The following AHCYL2 variants were observed in gnomAD, a reference collection of about 807,000 sequenced individuals.
AHCYL2 encodes S-adenosylhomocysteine hydrolase-like protein 2.
In AHCYL2, 28 loss-of-function variants were observed where a neutral mutation model predicts 81.4. The observed-to-expected ratio is 0.34, with a 90% CI of 0.25 to 0.47. The LOEUF (loss-of-function observed/expected upper bound fraction) is 0.47. Among genes scored for constraint, AHCYL2 ranks in the 20% least tolerant of loss-of-function variants. AHCYL2 has a pLI of 1.00. For synonymous variants in AHCYL2, 272 were observed against 290.2 expected, an observed-to-expected ratio of 0.94 and a Z score of 0.64; for missense variants, 551 against 785.1, an observed-to-expected ratio of 0.70 and a Z score of 3.56.
intron 1 of AHCYL2, among the ~76,000 whole-genome samples, chr7:129,335,374 A>T (rs1005429448): frequency 2.2e-5 from 3 of 137,368 alleles, no homozygotes; most frequent in Admixed American, 7.2e-5. Context: ...GACCCTGTCT[A>T]AAAAAAAAAA....
chr7:129,328,830 T>G (rs13226919), intron 1 of AHCYL2, among the ~76,000 whole-genome samples: 3,756 of 152,300 alleles, frequency 0.025, 77 homozygotes, highest in Admixed American at 0.058. Flanking sequence ...AACATTTTTC[T>G]TCTATTTTAT....
chr7:129,317,538 C>G (rs2718099), intron 1 of AHCYL2, among the ~76,000 whole-genome samples: 14,823 of 152,220 alleles, frequency 0.097, 1,506 homozygotes, highest in African/African-American at 0.26. Context: ...AAAATCCCAG[C>G]CATGCAGATG....
intron 1 of AHCYL2, among the ~76,000 whole-genome samples, chr7:129,301,182 C>T (rs1050966566): frequency 6.6e-6 from 1 of 152,112 alleles, no homozygotes; most frequent in South Asian, 2.1e-4. Context: ...CTATTCAGAT[C>T]TTTTGCCCAT....
intron 1 of AHCYL2, among the ~76,000 whole-genome samples, chr7:129,325,321 C>T (rs934805942): frequency 3.3e-5 from 5 of 152,088 alleles, no homozygotes; most frequent in African/African-American, 7.2e-5. Flanking sequence ...AGGGTTTTTT[C>T]GTTTCGGTTT....
At position 129,322,220 on chromosome 7, in the gene AHCYL2, A is replaced by G. The variant is rs186248581; in HGVS notation, c.364-57418A>G. On this transcript the variant is annotated intron_variant, in intron 1 of 16. Coordinates refer to ENST00000325006, the MANE Select transcript of AHCYL2 (RefSeq NM_015328.4). The stretch of plus-strand genomic sequence containing the variant: ...AGTGGCGTGATCTTGGCTCACTGCA[A>G]CCTCTTCCTCCTGGGTTCAAGCGAT... Among the ~76,000 whole-genome samples, 15 of 151,694 alleles carry G rather than the reference A, an allele frequency of 9.9e-5. No homozygotes were observed. In the East Asian group the frequency reaches 2.9e-3, roughly 30 times the overall value.
intron 1 of AHCYL2, chr7:129,377,552 C>T: frequency 2.2e-6 from 1 of 456,638 alleles, no homozygotes; most frequent in Non-Finnish European, 4.4e-6. Context: ...GAAGTGGAGC[C>T]GTCAGTTCCT....
intron 4 of AHCYL2, among the ~76,000 whole-genome samples, chr7:129,392,503 A>G (rs970872597): frequency 7.2e-5 from 11 of 152,176 alleles, no homozygotes; most frequent in African/African-American, 2.7e-4. Context: ...TCTCATGTCT[A>G]ATCACCTTCC....
At chr7:129,377,600 G>T (rs1429282600) in intron 1 of AHCYL2, 1 of 456,458 alleles carries the variant, frequency 2.2e-6, no homozygotes, top group African/African-American at 2.0e-5. Context: ...TGCCCATCAA[G>T]GAACCATCTT....
intron 11 of AHCYL2, among the ~76,000 whole-genome samples, chr7:129,410,665 G>A (rs1295405155): frequency 6.6e-6 from 1 of 152,224 alleles, no homozygotes; most frequent in Admixed American, 6.5e-5. Context: ...TTCATAGTTA[G>A]AGAAAGTAGA....
intron 1 of AHCYL2, among the ~76,000 whole-genome samples, chr7:129,226,655 C>T (rs1414993142): frequency 3.3e-5 from 5 of 152,140 alleles, no homozygotes; most frequent in Non-Finnish European, 7.3e-5. Context: ...GCGGATAATC[C>T]TTTCATCCTA....
At chr7:129,416,765 A>G (rs1373654368) in intron 12 of AHCYL2, among the ~76,000 whole-genome samples, 5 of 152,044 alleles carry the variant, frequency 3.3e-5, no homozygotes, top group Non-Finnish European at 7.4e-5. Flanking sequence ...GCACCATTGC[A>G]CTCCAGCCTG....
At chr7:129,375,993 T>G in intron 1 of AHCYL2, 2 of 1,524,072 alleles carry the variant, frequency 1.3e-6, no homozygotes, top group Non-Finnish European at 1.8e-6. Context: ...GGCCGACTGC[T>G]TATACTCTTT....
chr7:129,293,267 A>G (rs1184908905), intron 1 of AHCYL2, among the ~76,000 whole-genome samples: 2 of 152,204 alleles, frequency 1.3e-5, no homozygotes, highest in African/African-American at 4.8e-5. Context: ...TATTGTAATA[A>G]GTTATAGTTG....
At chr7:129,318,976 C>T (rs1473694926) in intron 1 of AHCYL2, among the ~76,000 whole-genome samples, 4 of 151,054 alleles carry the variant, frequency 2.6e-5, no homozygotes, top group Non-Finnish European at 5.9e-5. Context: ...CTACTATAAG[C>T]AAAGTTAAAA....
intron 1 of AHCYL2, among the ~76,000 whole-genome samples, chr7:129,374,906 C>A (rs1794602758): frequency 6.6e-6 from 1 of 150,410 alleles, no homozygotes; most frequent in South Asian, 2.1e-4. Context: ...ACATCACTTT[C>A]CCCCCAATCT....
intron 1 of AHCYL2, among the ~76,000 whole-genome samples, chr7:129,306,144 G>T (rs1008500550): frequency 6.6e-6 from 1 of 152,140 alleles, no homozygotes; most frequent in African/African-American, 2.4e-5. Flanking sequence ...CTCTAGGCTT[G>T]GGAAGTTCTC....
chr7:129,243,815 G>A (rs539970479), intron 1 of AHCYL2, among the ~76,000 whole-genome samples: 93 of 151,960 alleles, frequency 6.1e-4, no homozygotes, highest in Non-Finnish European at 1.1e-3. Context: ...GGATGGTCTC[G>A]ATCTCCTGGC....
At chr7:129,298,622 C>T (rs2150758811) in intron 1 of AHCYL2, among the ~76,000 whole-genome samples, 1 of 152,278 alleles carries the variant, frequency 6.6e-6, no homozygotes, top group East Asian at 1.9e-4. Flanking sequence ...TTTTCCTAAA[C>T]TTTGCTTGGG....
At chr7:129,404,552 A>G (rs910507845) in intron 7 of AHCYL2, among the ~76,000 whole-genome samples, 1 of 152,130 alleles carries the variant, frequency 6.6e-6, no homozygotes, top group African/African-American at 2.4e-5. Flanking sequence ...GCGGGCGCCT[A>G]TAATCCCAGC....
Sources: gnomAD v4.1 joint callset for allele counts (sites outside exome capture counted in the v4.1 genomes callset) on GRCh38, gnomAD v4.1.1 for gene constraint, MANE v1.5 for transcripts, NCBI Gene and HGNC (gene_info 2026-07-23, HGNC 2026-07-21) for gene names.